The following MICU3 variants were observed in gnomAD, a reference collection of about 807,000 sequenced individuals.
MICU3 encodes calcium uptake protein 3, mitochondrial.
A neutral mutation model predicts 66.5 loss-of-function variants in MICU3; 62 were observed. That is an observed-to-expected ratio of 0.93 (90% CI 0.76 to 1.15). The LOEUF is 1.15. MICU3 is among the 50% of genes most tolerant of loss of function. The pLI is 0.00. For missense variants in MICU3, 779 were observed against 664.4 expected, an observed-to-expected ratio of 1.17 and a Z score of -1.90; for synonymous variants, 308 against 240.7, an observed-to-expected ratio of 1.28 and a Z score of -2.59.
At chr8:17,031,865 A>G (rs1172512189) in intron 1 of MICU3, among the ~76,000 whole-genome samples, 2 of 152,234 alleles carry the variant, frequency 1.3e-5, no homozygotes, top group East Asian at 1.9e-4. Flanking sequence ...CCCTGACTCT[A>G]TAGATTTGTT....
At chr8:17,073,549 A>C (rs1334417198) in intron 3 of MICU3, among the ~76,000 whole-genome samples, 1 of 152,144 alleles carries the variant, frequency 6.6e-6, no homozygotes, top group African/African-American at 2.4e-5. Context: ...TATATGTTAC[A>C]TTGTAATAAT....
chr8:17,136,306 A>G, the MICU3 span, among the ~76,000 whole-genome samples: 1 of 152,114 alleles, frequency 6.6e-6, no homozygotes, highest in African/African-American at 2.4e-5. Flanking sequence ...ACAATAAAAA[A>G]GTTATTTTTC....
intron 3 of MICU3, among the ~76,000 whole-genome samples, chr8:17,071,541 C>T (rs981383646): frequency 1.3e-5 from 2 of 151,862 alleles, no homozygotes; most frequent in South Asian, 4.2e-4. Context: ...GGTACTGGGG[C>T]TTAGGACTTC....
At chr8:17,085,727 T>C (rs78571118) in intron 6 of MICU3, among the ~76,000 whole-genome samples, 1 of 152,088 alleles carries the variant, frequency 6.6e-6, no homozygotes, top group South Asian at 2.1e-4. Context: ...TCTTTTCTCT[T>C]CCACTTACTC....
chr8:17,045,316 G>C (rs1415395740), intron 1 of MICU3, among the ~76,000 whole-genome samples: 1 of 152,096 alleles, frequency 6.6e-6, no homozygotes, highest in African/African-American at 2.4e-5. Context: ...TAATCTGATT[G>C]AAGATCATAA....
At chr8:17,061,103 C>T (rs1250375017) in intron 1 of MICU3, among the ~76,000 whole-genome samples, 1 of 152,122 alleles carries the variant, frequency 6.6e-6, no homozygotes, top group Non-Finnish European at 1.5e-5. Context: ...GTAACAATCA[C>T]AGGGCATTAC....
chr8:17,118,667 C>T, intron 13 of MICU3, 40 bp from the exon 14 acceptor site: 1 of 1,326,028 alleles, frequency 7.5e-7, no homozygotes, highest in Non-Finnish European at 1.1e-6. Flanking sequence ...CTGTATTTGT[C>T]TTTCTGTACA....
In MICU3 at chr8:17,088,640, G is replaced by A. The variant is rs138242309; in HGVS notation, c.849+1605G>A. ...ATAAATATAATTGTTTTATTTATTT[G>A]TTTATTTATACTACTTCCAGAGAGG... On this transcript the variant is annotated intron_variant, in intron 7 of 14. Transcript: ENST00000318063. 2.1e-3 allele frequency among the ~76,000 whole-genome samples: 318 copies of A among 151,818 alleles called. 3 individuals carry two copies. Among genetic ancestry groups the A allele is most frequent in the African/African-American group, 7.6e-3 (314 of 41,498 alleles).
In MICU3 at chr8:17,122,630, T is replaced by C. The variant is rs1803275472; in HGVS notation, c.*2343T>C. On this transcript the variant is annotated 3_prime_UTR_variant, in exon 15 of 15. Coordinates refer to ENST00000318063, the MANE Select transcript of MICU3 (RefSeq NM_181723.3). ...TATCTTAAAATAAATATTTCTGCCC[T>C]TGAATCAAGAAACATTGTACTTGGC... 1 of 151,996 alleles carries C rather than the reference T, an allele frequency of 6.6e-6. No individual in the cohort carries two copies. Among genetic ancestry groups the C allele is most frequent in the South Asian group, 2.1e-4 (1 of 4,836 alleles). The allele number at this position is 151,996 out of a possible 1,614,324, so 9.4% of individuals were successfully genotyped here. A position where few individuals can be genotyped will look rare whatever the true frequency, so the allele number is the denominator to read the frequency against.
intron 8 of MICU3, among the ~76,000 whole-genome samples, chr8:17,092,311 G>T (rs548099574): frequency 6.6e-6 from 1 of 151,150 alleles, no homozygotes; most frequent in African/African-American, 2.4e-5. Context: ...AGAAAAATAC[G>T]TCTCAGAATA....
At chr8:17,098,833 A>G (rs949465841) in intron 9 of MICU3, among the ~76,000 whole-genome samples, 1 of 151,746 alleles carries the variant, frequency 6.6e-6, no homozygotes. Context: ...TAAGCTTACA[A>G]TTTACCATGT....
intron 1 of MICU3, among the ~76,000 whole-genome samples, chr8:17,030,414 T>C (rs1167420735): frequency 1.3e-5 from 2 of 152,264 alleles, no homozygotes; most frequent in African/African-American, 4.8e-5. Context: ...ATTTTACAGC[T>C]CTTTTTCTCT....
chr8:17,115,052 G>A (rs1458129138), intron 12 of MICU3, among the ~76,000 whole-genome samples: 5 of 150,522 alleles, frequency 3.3e-5, no homozygotes, highest in Admixed American at 2.6e-4. Flanking sequence ...CCGGGAGGCG[G>A]AGCTTGCAGT....
intron 1 of MICU3, among the ~76,000 whole-genome samples, chr8:17,057,373 C>A (rs1238825803): frequency 6.6e-6 from 1 of 152,166 alleles, no homozygotes; most frequent in East Asian, 1.9e-4. Flanking sequence ...TAACAGGCGA[C>A]ACCCTGATCT....
chr8:17,090,583 G>A lies in MICU3; in HGVS notation c.887G>A (p.Ser296Asn), dbSNP rs771583400. 6.2e-7 allele frequency: 1 copy of A among 1,606,828 alleles called. No homozygotes were observed. The highest frequency in any genetic ancestry group is 8.5e-7 in the Non-Finnish European group (1 of 1,175,266). Residue 296 changes from serine to asparagine, a missense_variant and splice_region_variant, in exon 8 of 15, where the codon AGT becomes AAT. Coordinates refer to ENST00000318063, the MANE Select transcript of MICU3 (RefSeq NM_181723.3). ...QLYGYHSPTN[S>N]VLKTDAEELV... is the part of the protein sequence containing the mutation. The stretch of plus-strand genomic sequence containing the variant: ...TATGGATACCATTCTCCTACTAATA[G>A]TGTATGTACAATACTTTAAATGTTC...
At chr8:17,072,454 GT>G (rs536482819) in intron 3 of MICU3, among the ~76,000 whole-genome samples, 12,296 of 142,686 alleles carry the variant, frequency 0.086, 714 homozygotes, top group African/African-American at 0.17. Context: ...GGCATGAGAG[GT>G]TTTTTTTTTT....
chr8:17,070,864 C>T (rs1038544154), intron 3 of MICU3, among the ~76,000 whole-genome samples: 2 of 151,918 alleles, frequency 1.3e-5, no homozygotes, highest in Non-Finnish European at 2.9e-5. Flanking sequence ...CCTATATGTA[C>T]TATGTTTTTT....
In MICU3 at chr8:17,090,583, G is replaced by C; in HGVS notation, c.887G>C (p.Ser296Thr). 1 of 1,606,828 alleles carries C rather than the reference G, an allele frequency of 6.2e-7. No homozygotes were observed. Among genetic ancestry groups the C allele is most frequent in the East Asian group, 2.2e-5 (1 of 44,650 alleles). Residue 296 changes from serine (S) to threonine (T), a missense_variant and splice_region_variant, in exon 8 of 15, where the codon AGT becomes ACT. Transcript: ENST00000318063. ...TATGGATACCATTCTCCTACTAATA[G>C]TGTATGTACAATACTTTAAATGTTC... Reference protein sequence around the residue: ...QLYGYHSPTNSVLKTDAEELV... With the variant: ...QLYGYHSPTNTVLKTDAEELV...
chr8:17,096,912 G>T (rs1284078769), intron 8 of MICU3, among the ~76,000 whole-genome samples: 2 of 150,380 alleles, frequency 1.3e-5, no homozygotes, highest in African/African-American at 4.9e-5. Flanking sequence ...AAAATACATG[G>T]TTGGTTAAAC....
Sources: allele counts gnomAD v4.1 joint callset (sites outside exome capture counted in the v4.1 genomes callset), GRCh38; gene constraint gnomAD v4.1.1; transcripts MANE v1.5; gene names NCBI Gene and HGNC (gene_info 2026-07-23, HGNC 2026-07-21).